The following MCCC2 variants were observed in gnomAD, a reference collection of about 807,000 sequenced individuals.
The protein encoded by MCCC2 is methylcrotonyl-CoA carboxylase subunit 2.
In MCCC2, 52 loss-of-function variants were observed where a neutral mutation model predicts 77.2. The observed-to-expected ratio is 0.67, with a 90% CI of 0.54 to 0.85. The LOEUF is 0.85. MCCC2 is among the 40% of genes least tolerant of loss of function. The pLI, the probability that MCCC2 is intolerant of heterozygous loss-of-function variation, is 0.00. For missense variants in MCCC2, 682 were observed against 703.2 expected (o/e 0.97, Z 0.34); for synonymous variants, 253 against 248.4 (o/e 1.02, Z -0.18).
At position 71,641,068 on chromosome 5, in the gene MCCC2, A is replaced by T. The variant is rs757052602; in HGVS notation, c.1065A>T (p.Leu355Phe). The T allele has an allele frequency of 7.4e-5, 119 of 1,613,268 alleles. No homozygotes were observed. The Admixed American group carries it at 1.9e-3, about 26-fold the overall frequency. ...TCAAAGCCTTTTATGGAGACACATT[A>T]GTTACAGGTATAAAGGTGAAGAATT... ...TEFKAFYGDTLVTGFARIFGY... is the reference protein window; with the variant it reads ...TEFKAFYGDTFVTGFARIFGY... Residue 355 changes from leucine (L) to phenylalanine (F), a missense_variant, in exon 11 of 17, where the codon TTA (leucine) becomes TTT (phenylalanine). Coordinates refer to ENST00000340941, the MANE Select transcript of MCCC2 (RefSeq NM_022132.5).
At chr5:71,653,818 T>G (rs970461324) in intron 16 of MCCC2, among the ~76,000 whole-genome samples, 1 of 141,952 alleles carries the variant, frequency 7.0e-6, no homozygotes, top group African/African-American at 2.7e-5. Flanking sequence ...GCCACTGTGC[T>G]CCAACCTGGG....
chr5:71,643,693 G>A, intron 11 of MCCC2, 126 bp from the exon 12 acceptor site: 1 of 1,589,452 alleles, frequency 6.3e-7, no homozygotes. Flanking sequence ...TTATACCATA[G>A]ACAAAATCTC....
At chr5:71,629,203 CAA>C (rs11461767) in intron 7 of MCCC2, among the ~76,000 whole-genome samples, 2 of 139,230 alleles carry the variant, frequency 1.4e-5, no homozygotes, top group Admixed American at 7.3e-5. Context: ...GACTCCATCT[CAA>C]AAAAAAAAAA....
intron 16 of MCCC2, among the ~76,000 whole-genome samples, chr5:71,654,255 A>G (rs1172569881): frequency 6.6e-6 from 1 of 152,274 alleles, no homozygotes; most frequent in South Asian, 2.1e-4. Context: ...CGGCCTCCCA[A>G]AGTGCTTGGA....
intron 1 of MCCC2, among the ~76,000 whole-genome samples, chr5:71,589,971 A>G (rs1324311045): frequency 3.9e-5 from 6 of 152,088 alleles, no homozygotes; most frequent in East Asian, 1.9e-4. Flanking sequence ...GGTGGGTTCT[A>G]TGGTTGAAAA....
At chr5:71,591,733 G>A (rs762909050) in intron 1 of MCCC2, among the ~76,000 whole-genome samples, 9 of 151,594 alleles carry the variant, frequency 5.9e-5, no homozygotes, top group African/African-American at 2.2e-4. Flanking sequence ...CACCACGGCT[G>A]GCCGAGTTTT....
At chr5:71,650,567 C>CA (rs1250370714) in intron 15 of MCCC2, among the ~76,000 whole-genome samples, 3 of 152,128 alleles carry the variant, frequency 2.0e-5, no homozygotes, top group African/African-American at 7.2e-5. Flanking sequence ...TGGGTTCAAG[C>CA]AATTCTCATG....
intron 6 of MCCC2, among the ~76,000 whole-genome samples, chr5:71,621,932 G>C (rs1746361978): frequency 6.6e-6 from 1 of 152,170 alleles, no homozygotes; most frequent in Admixed American, 6.5e-5. Flanking sequence ...ATAAATGCTT[G>C]AGGGGATAGA....
intron 16 of MCCC2, among the ~76,000 whole-genome samples, chr5:71,656,207 G>A (rs1027498479): frequency 2.6e-5 from 4 of 152,102 alleles, no homozygotes; most frequent in African/African-American, 9.7e-5. Context: ...GTGACAGAGC[G>A]AGACTCCATC....
At chr5:71,619,105 G>A (rs1398103772) in intron 6 of MCCC2, among the ~76,000 whole-genome samples, 1 of 151,936 alleles carries the variant, frequency 6.6e-6, no homozygotes, top group Non-Finnish European at 1.5e-5. Flanking sequence ...TTATTCTCAG[G>A]TTTCCCTTTC....
At chr5:71,639,726 G>A (rs80000640) in intron 10 of MCCC2, among the ~76,000 whole-genome samples, 6 of 152,194 alleles carry the variant, frequency 3.9e-5, no homozygotes, top group East Asian at 1.9e-4. Context: ...TTGAGCAGCC[G>A]TATCTCTGTG....
At chr5:71,628,628 A>G (rs1046224061) in intron 7 of MCCC2, among the ~76,000 whole-genome samples, 1 of 152,186 alleles carries the variant, frequency 6.6e-6, no homozygotes, top group Non-Finnish European at 1.5e-5. Flanking sequence ...TCATTAGTTG[A>G]AAGGACTCTC....
At chr5:71,589,423 G>A (rs996038903) in intron 1 of MCCC2, among the ~76,000 whole-genome samples, 7 of 152,264 alleles carry the variant, frequency 4.6e-5, no homozygotes, top group African/African-American at 1.7e-4. Flanking sequence ...TTCCACTGCA[G>A]GGTAGGTTCA....
chr5:71,620,193 G>C (rs529057112), intron 6 of MCCC2, among the ~76,000 whole-genome samples: 3 of 152,266 alleles, frequency 2.0e-5, no homozygotes, highest in African/African-American at 7.2e-5. Flanking sequence ...TATCAAATCA[G>C]TGGTATTGAT....
intron 6 of MCCC2, among the ~76,000 whole-genome samples, chr5:71,621,492 G>A (rs1746347657): frequency 6.6e-6 from 1 of 152,154 alleles, no homozygotes; most frequent in Non-Finnish European, 1.5e-5. Flanking sequence ...TACTCAGAAG[G>A]CTGAGGTGGG....
intron 10 of MCCC2, among the ~76,000 whole-genome samples, chr5:71,640,501 G>T (rs1185737370): frequency 1.3e-5 from 2 of 150,502 alleles, no homozygotes; most frequent in African/African-American, 4.9e-5. Context: ...ATTTTTGTAG[G>T]TTCCTACTTC....
chr5:71,599,001 C>T (rs1745315619), intron 3 of MCCC2, among the ~76,000 whole-genome samples: 1 of 151,958 alleles, frequency 6.6e-6, no homozygotes, highest in South Asian at 2.1e-4. Context: ...TCAAGCAGTC[C>T]ACCCACTTGA....
At chr5:71,635,375 T>A in intron 10 of MCCC2, 129 bp downstream of exon 10, 1 of 820,996 alleles carries the variant, frequency 1.2e-6, no homozygotes. Context: ...CAGTAAGGAG[T>A]GACATATGTG....
intron 8 of MCCC2, among the ~76,000 whole-genome samples, chr5:71,633,994 T>C (rs1746832134): frequency 6.6e-6 from 1 of 152,166 alleles, no homozygotes. Flanking sequence ...GAACTCCCAG[T>C]CCTAAAGTAG....
Sources: gnomAD v4.1 joint callset for allele counts (sites outside exome capture counted in the v4.1 genomes callset) on GRCh38, gnomAD v4.1.1 for gene constraint, MANE v1.5 for transcripts, NCBI Gene and HGNC (gene_info 2026-07-23, HGNC 2026-07-21) for gene names.